LEKR1: variants seen among roughly 807,000 people sequenced by gnomAD.
LEKR1 encodes leucine, glutamate and lysine rich 1.
In LEKR1, 59 loss-of-function variants were observed where a neutral mutation model predicts 72.4. The ratio of observed to expected loss-of-function variants is 0.82; its 90% CI spans 0.66 to 1.01. LEKR1 has a LOEUF of 1.01. Among genes scored for constraint, LEKR1 ranks in the 50% least tolerant of loss-of-function variants. The pLI, the probability that LEKR1 is intolerant of heterozygous loss-of-function variation, is 0.00. For synonymous variants in LEKR1, 257 were observed against 263.2 expected (o/e 0.98, Z 0.23); for missense variants, 728 against 759.2 (o/e 0.96, Z 0.48).
chr3:156,874,041 C>A (rs555556352), intron 3 of LEKR1, among the ~76,000 whole-genome samples: 19 of 152,174 alleles, frequency 1.2e-4, no homozygotes, highest in Non-Finnish European at 2.4e-4. Flanking sequence ...GTCTAAATCT[C>A]TTGCTAGACT....
intron 3 of LEKR1, among the ~76,000 whole-genome samples, chr3:156,878,877 A>T (rs543153815): frequency 1.3e-4 from 20 of 152,300 alleles, no homozygotes; most frequent in African/African-American, 4.8e-4. Context: ...GTTTTGTAAG[A>T]GGAAACCCTT....
intron 4 of LEKR1, among the ~76,000 whole-genome samples, chr3:156,925,795 ACCATT>A (rs933126451): frequency 3.9e-5 from 6 of 152,062 alleles, no homozygotes; most frequent in Admixed American, 2.0e-4. Context: ...TTGTCAGTAT[ACCATT>A]GGAGTAGTCA....
chr3:156,932,866 T>C (rs1347129766), intron 5 of LEKR1, among the ~76,000 whole-genome samples: 1 of 151,120 alleles, frequency 6.6e-6, no homozygotes, highest in Non-Finnish European at 1.5e-5. Flanking sequence ...CTGTCTCTAC[T>C]AAAAATACAA....
chr3:157,013,329 C>T (rs1733055231), intron 10 of LEKR1, among the ~76,000 whole-genome samples: 1 of 152,096 alleles, frequency 6.6e-6, no homozygotes, highest in South Asian at 2.1e-4. Flanking sequence ...GAGAAAAGGT[C>T]TCTGTTTATG....
intron 6 of LEKR1, among the ~76,000 whole-genome samples, chr3:156,961,221 T>C (rs1287746359): frequency 6.6e-6 from 1 of 152,238 alleles, no homozygotes; most frequent in Non-Finnish European, 1.5e-5. Flanking sequence ...AAAAATGATT[T>C]TGCATATAAC....
chr3:156,884,335 GT>G (rs546240266), intron 3 of LEKR1, among the ~76,000 whole-genome samples: 27 of 150,380 alleles, frequency 1.8e-4, no homozygotes, highest in Admixed American at 4.6e-4. Context: ...GTTAATACCT[GT>G]TTTTTTTTCC....
intron 3 of LEKR1, among the ~76,000 whole-genome samples, chr3:156,902,033 T>C (rs1402235532): frequency 6.6e-6 from 1 of 152,168 alleles, no homozygotes; most frequent in African/African-American, 2.4e-5. Context: ...AGCTCACATA[T>C]AATTTTCTTG....
chr3:157,043,468 A>G lies in LEKR1; in HGVS notation c.1669-1872A>G, dbSNP rs538085247. ...TCCTTCTGTGTTTTTTTTTTTTTTCAGTGTCCTGGGAACAAAATGGTCCCT... is the reference window on the plus strand; with the variant it reads ...TCCTTCTGTGTTTTTTTTTTTTTTCGGTGTCCTGGGAACAAAATGGTCCCT... On this transcript the variant is annotated intron_variant, in intron 12 of 12. Transcript: ENST00000356539. 4.8e-5 allele frequency among the ~76,000 whole-genome samples: 7 copies of G among 146,718 alleles called. No individual in the cohort carries two copies. The South Asian group carries it at 1.5e-3, about 32-fold the overall frequency.
intron 3 of LEKR1, among the ~76,000 whole-genome samples, chr3:156,866,491 A>T (rs1392222841): frequency 6.6e-6 from 1 of 152,030 alleles, no homozygotes; most frequent in African/African-American, 2.4e-5. Context: ...TTAGTCGTTG[A>T]TGATATCTTG....
At chr3:156,983,212 G>C (rs1730388499) in intron 7 of LEKR1, among the ~76,000 whole-genome samples, 2 of 152,132 alleles carry the variant, frequency 1.3e-5, no homozygotes, top group South Asian at 4.1e-4. Context: ...AAGGATAGTA[G>C]AAAGGGTAAA....
chr3:156,942,700 A>G lies in LEKR1; in HGVS notation c.731A>G (p.Gln244Arg). The G allele has an allele frequency of 8.0e-7, 1 of 1,252,522 alleles. No individual in the cohort carries two copies. Among genetic ancestry groups the G allele is most frequent in the Non-Finnish European group, 1.0e-6 (1 of 975,488 alleles). 77.6% of individuals were successfully genotyped at this position (1,252,522 alleles called of 1,614,324 possible). The change falls in exon 6 of 13, where the codon CAA (glutamine) becomes CGA (arginine). Residue 244 changes from glutamine to arginine, a missense_variant. Physicochemically the swap from Gln to Arg is conservative, Grantham distance 43. Coordinates refer to ENST00000356539, the MANE Select transcript of LEKR1 (RefSeq NM_001004316.3). Reference protein sequence around the residue: ...VNLQTRCYDLQKEVLDLQCLV... With the variant: ...VNLQTRCYDLRKEVLDLQCLV... ...TTGCAAACCAGATGCTATGATTTGC[A>G]AAAAGAAGTACTAGGTAAAGAAAAG...
chr3:156,930,836 G>T (rs1184895584), intron 5 of LEKR1, among the ~76,000 whole-genome samples: 5 of 152,108 alleles, frequency 3.3e-5, no homozygotes, highest in South Asian at 2.1e-4. Flanking sequence ...TCAACAAATT[G>T]TGCTGGTATG....
At chr3:156,869,329 G>C (rs1717652357) in intron 3 of LEKR1, among the ~76,000 whole-genome samples, 1 of 151,910 alleles carries the variant, frequency 6.6e-6, no homozygotes, top group Non-Finnish European at 1.5e-5. Context: ...ATGTATAAGG[G>C]CTCCCTTTTC....
At chr3:156,952,466 G>A (rs1030388303) in intron 6 of LEKR1, among the ~76,000 whole-genome samples, 5 of 151,334 alleles carry the variant, frequency 3.3e-5, no homozygotes, top group South Asian at 4.1e-4. Flanking sequence ...CTTCAAAAAC[G>A]CTGTCAAAGC....
At chr3:156,830,489 A>G (rs62273905) in intron 2 of LEKR1, among the ~76,000 whole-genome samples, 4,769 of 152,324 alleles carry the variant, frequency 0.031, 109 homozygotes, top group Non-Finnish European at 0.047. Context: ...TTCAAGATAA[A>G]TGAATCCAGT....
chr3:156,895,924 C>A (rs1194800999), intron 3 of LEKR1, among the ~76,000 whole-genome samples: 1 of 152,122 alleles, frequency 6.6e-6, no homozygotes, highest in Non-Finnish European at 1.5e-5. Context: ...TTCATTGCAG[C>A]ACTAGTCACA....
chr3:156,840,698 T>A (rs1266746057), intron 2 of LEKR1, among the ~76,000 whole-genome samples: 1 of 152,226 alleles, frequency 6.6e-6, no homozygotes, highest in Non-Finnish European at 1.5e-5. Flanking sequence ...CCCTTCAGAT[T>A]TATGTAAACT....
At chr3:156,918,084 A>C (rs1454894275) in intron 3 of LEKR1, among the ~76,000 whole-genome samples, 1 of 152,202 alleles carries the variant, frequency 6.6e-6, no homozygotes, top group South Asian at 2.1e-4. Flanking sequence ...TTCCAGAGAC[A>C]ACAAAAAGTT....
Position 157,045,757 on chromosome 3 carries a change from AT to A in LEKR1, c.*8del, listed in dbSNP as rs747719482. The A allele has an allele frequency of 6.2e-7, 1 of 1,604,716 alleles. No individual in the cohort carries two copies. The highest frequency in any genetic ancestry group is 2.2e-5 in the East Asian group (1 of 44,854). ...AAGGCGGAGTCAGCAATGATCCAAAATGAGGAGCAGGAAGCTCCCTACAGCG... is the reference window on the plus strand; with the variant it reads ...AAGGCGGAGTCAGCAATGATCCAAAAGAGGAGCAGGAAGCTCCCTACAGCG... On this transcript the variant is annotated 3_prime_UTR_variant, in exon 13 of 13. Coordinates refer to ENST00000356539, the MANE Select transcript of LEKR1 (RefSeq NM_001004316.3).
Sources: gnomAD v4.1 joint callset for allele counts (sites outside exome capture counted in the v4.1 genomes callset) on GRCh38, gnomAD v4.1.1 for gene constraint, MANE v1.5 for transcripts, NCBI Gene and HGNC (gene_info 2026-07-23, HGNC 2026-07-21) for gene names.